The following KIF13A variants were observed in gnomAD, a reference collection of about 807,000 sequenced individuals.
KIF13A encodes kinesin family member 13A, also known as kinesin-like protein KIF13A.
In KIF13A, 79 loss-of-function variants were observed where a neutral mutation model predicts 212.2. The observed-to-expected ratio is 0.37, with a 90% CI of 0.31 to 0.45. The LOEUF is 0.45. KIF13A is among the 20% of genes least tolerant of loss of function. The pLI is 1.00. For synonymous variants in KIF13A, 789 were observed against 808.6 expected (o/e 0.98, Z 0.41); for missense variants, 1,901 against 2,209.0 (o/e 0.86, Z 2.79).
In KIF13A at chr6:17,838,968, C is replaced by T. The variant is rs1766246828; in HGVS notation, c.831-1385G>A. On this transcript the variant is annotated intron_variant, in intron 9 of 38. Transcript: ENST00000259711. This position sits in a 1 kb window ranked among gnomAD's most constrained non-coding sequence, Gnocchi z 4.2. ...CTGAGTAGCTGGGATTACAGGCGCC[C>T]GCCACCACATCTGGCTGATTTTTGT... 6.6e-6 allele frequency among the ~76,000 whole-genome samples: 1 copy of T among 152,044 alleles called. No homozygotes were observed. Among genetic ancestry groups the T allele is most frequent in the African/African-American group, 2.4e-5 (1 of 41,386 alleles).
chr6:17,873,421 T>C lies in KIF13A; in HGVS notation c.176A>G (p.Tyr59Cys), dbSNP rs1459674149. The C allele has an allele frequency of 1.9e-6, 3 of 1,589,350 alleles. No homozygotes were observed. Among genetic ancestry groups the C allele is most frequent in the Non-Finnish European group, 2.6e-6 (3 of 1,166,606 alleles). Reference protein sequence around the residue: ...RKPPKVFAFDYCFWSMDESNT... With the variant: ...RKPPKVFAFDCCFWSMDESNT... ...AGATTCATCCATGGACCAAAAGCAA[T>C]AATCAAAGGCAAATACCTGAATGAA... is the stretch of plus-strand genomic sequence containing the variant. The change falls in exon 4 of 39, where the codon TAT becomes TGT. Residue 59 changes from tyrosine to cysteine, a missense_variant. By Grantham distance (194) the Tyr-to-Cys change is radical. Around this residue, in one of 5 missense-constraint regions of KIF13A, gnomAD observed 506 missense variants for 637.4 expected, o/e 0.79. Transcript: ENST00000259711.
rs899312523 is a variant in KIF13A at position 17,837,204 on chromosome 6, G to A, written c.943-114C>T. 2.1e-6 allele frequency: 2 copies of A among 940,166 alleles called. No individual in the cohort carries two copies. Among genetic ancestry groups the A allele is most frequent in the Admixed American group, 2.3e-5 (1 of 44,434 alleles). 58.2% of individuals were successfully genotyped at this position (940,166 alleles called of 1,614,324 possible). A position where few individuals can be genotyped will look rare whatever the true frequency, so the allele number is the denominator to read the frequency against. On this transcript the variant is annotated intron_variant, in intron 10 of 38. Coordinates refer to ENST00000259711, the MANE Select transcript of KIF13A (RefSeq NM_022113.6). The surrounding 1 kb of genome is among the most constrained non-coding windows in gnomAD (Gnocchi z 5.4). ...ATTCTCTATGAAGGAAACATTATGTGGAAATGGACTTGCATTTCACAAATA... is the reference window on the plus strand; with the variant it reads ...ATTCTCTATGAAGGAAACATTATGTAGAAATGGACTTGCATTTCACAAATA...
intron 2 of KIF13A, among the ~76,000 whole-genome samples, chr6:17,943,293 A>G (rs1777104260): frequency 6.6e-6 from 1 of 152,066 alleles, no homozygotes; most frequent in Admixed American, 6.5e-5. Flanking sequence ...TTCTATTTTT[A>G]TAATCCCTCT....
rs1056788585 is a variant in KIF13A, at chr6:17,899,417, A to G, written c.147-1237T>C. On this transcript the variant is annotated intron_variant, in intron 2 of 38. Transcript: ENST00000259711. The surrounding 1 kb of genome is among the most constrained non-coding windows in gnomAD (Gnocchi z 5.2). Reference sequence around the variant, plus strand: ...AGATTTTCCAGGGCAGAGGGCACGGAAAGGTATAGGCAAAACAGCAGGATG... The same window carrying G: ...AGATTTTCCAGGGCAGAGGGCACGGGAAGGTATAGGCAAAACAGCAGGATG... 1.3e-5 allele frequency among the ~76,000 whole-genome samples: 2 copies of G among 152,332 alleles called. No individual in the cohort carries two copies. The highest frequency in any genetic ancestry group is 6.8e-3 in the Middle Eastern group (2 of 294).
In KIF13A at chr6:17,776,934, G is replaced by A. The variant is rs78549009; in HGVS notation, c.4170+343C>T. ...TCAGAGCCACCAGGGCAGCTAGAAT[G>A]GGCACAAAAACTGACCCTGGAGCAG... is the stretch of plus-strand genomic sequence containing the variant. On this transcript the variant is annotated intron_variant, in intron 34 of 38. Coordinates refer to ENST00000259711, the MANE Select transcript of KIF13A (RefSeq NM_022113.6). The surrounding 1 kb of genome is among the most constrained non-coding windows in gnomAD (Gnocchi z 4.6). 0.012 allele frequency among the ~76,000 whole-genome samples: 1,775 copies of A among 152,296 alleles called. 17 individuals carry two copies. The highest frequency in any genetic ancestry group is 0.018 in the Admixed American group (281 of 15,306).
intron 12 of KIF13A, among the ~76,000 whole-genome samples, chr6:17,833,045 C>T (rs1287373300): frequency 8.9e-6 from 1 of 111,794 alleles, no homozygotes; most frequent in Non-Finnish European, 1.7e-5. Flanking sequence ...AAAAAAAAAT[C>T]ACAAGGCAGA....
At chr6:17,946,548 CTT>C (rs1321066151) in intron 2 of KIF13A, among the ~76,000 whole-genome samples, 1 of 152,022 alleles carries the variant, frequency 6.6e-6, no homozygotes, top group African/African-American at 2.4e-5. Context: ...TTCCGTTGCA[CTT>C]TTATGCAGGA....
At chr6:17,913,533 G>A (rs1209632162) in intron 2 of KIF13A, among the ~76,000 whole-genome samples, 3 of 152,112 alleles carry the variant, frequency 2.0e-5, no homozygotes, top group African/African-American at 7.2e-5. Context: ...ATTCCAGCAG[G>A]AGACACAAGA....
intron 2 of KIF13A, among the ~76,000 whole-genome samples, chr6:17,965,912 A>G: frequency 6.6e-6 from 1 of 152,212 alleles, no homozygotes. Flanking sequence ...GTGGTGGTTC[A>G]CGCCTGTAAT....
At chr6:17,835,195 CAAAAAAAAAAA>C (rs61697144) in intron 11 of KIF13A, among the ~76,000 whole-genome samples, 1 of 45,912 alleles carries the variant, frequency 2.2e-5, no homozygotes, top group African/African-American at 7.0e-5. Flanking sequence ...CCGCCCCCGC[CAAAAAAAAAAA>C]AAAAAAAAAA....
intron 2 of KIF13A, among the ~76,000 whole-genome samples, chr6:17,908,212 T>G (rs1773702294): frequency 6.6e-6 from 1 of 152,208 alleles, no homozygotes; most frequent in Admixed American, 6.5e-5. Context: ...CACATGGGAC[T>G]TCAGTCACAG....
rs750296927 is a variant in KIF13A, at chr6:17,783,604, A to AAATT, written c.3544+41_3544+42insAATT. The AAATT allele has an allele frequency of 6.5e-6, 8 of 1,235,820 alleles. No individual in the cohort carries two copies. The South Asian group carries it at 1.0e-4, about 16-fold the overall frequency. 76.6% of individuals were successfully genotyped at this position (1,235,820 alleles called of 1,614,324 possible). A position where few individuals can be genotyped will look rare whatever the true frequency, so the allele number is the denominator to read the frequency against. On this transcript the variant is annotated intron_variant, in intron 29 of 38. Coordinates refer to ENST00000259711, the MANE Select transcript of KIF13A (RefSeq NM_022113.6). This position sits in a 1 kb window ranked among gnomAD's most constrained non-coding sequence, Gnocchi z 4.3. ...TGAATCTGGATAGATTACAAACCTT[A>AAATT]GTTAAATACAATAATCCCTGTGACT...
In KIF13A at chr6:17,919,940, T is replaced by C. The variant is rs1279901667; in HGVS notation, c.147-21760A>G. Among the ~76,000 whole-genome samples the C allele has an allele frequency of 6.6e-6, 1 of 152,192 alleles. No individual in the cohort carries two copies. Among genetic ancestry groups the C allele is most frequent in the East Asian group, 1.9e-4 (1 of 5,202 alleles). On this transcript the variant is annotated intron_variant, in intron 2 of 38. Coordinates refer to ENST00000259711, the MANE Select transcript of KIF13A (RefSeq NM_022113.6). The surrounding 1 kb of genome is among the most constrained non-coding windows in gnomAD (Gnocchi z 4.1). ...AAATTAACTTCTATTAAAATACTCA[T>C]GGAAGGGAAGACATAAGCAGCAGGT...
At chr6:17,925,282 G>A (rs1441956955) in intron 2 of KIF13A, among the ~76,000 whole-genome samples, 1 of 152,254 alleles carries the variant, frequency 6.6e-6, no homozygotes, top group Non-Finnish European at 1.5e-5. Context: ...GCAGGTGAGA[G>A]AGGAATCATT....
At chr6:17,891,389 C>G (rs912931104) in intron 3 of KIF13A, among the ~76,000 whole-genome samples, 1 of 152,146 alleles carries the variant, frequency 6.6e-6, no homozygotes, top group Non-Finnish European at 1.5e-5. Flanking sequence ...ATTACACATG[C>G]TACATAAAAA....
Position 17,776,484 on chromosome 6 carries a change from ATG to A in KIF13A, c.4170+791_4170+792del, listed in dbSNP as rs950414649. The stretch of plus-strand genomic sequence containing the variant: ...AAAGCGTTTTTCAATTTACAACTAT[ATG>A]AGTCTCTCTTATCTATTTCTAATAA... On this transcript the variant is annotated intron_variant, in intron 34 of 38. Transcript: ENST00000259711. This position sits in a 1 kb window ranked among gnomAD's most constrained non-coding sequence, Gnocchi z 4.6. 6.6e-6 allele frequency among the ~76,000 whole-genome samples: 1 copy of A among 152,040 alleles called. No homozygotes were observed. Among genetic ancestry groups the A allele is most frequent in the African/African-American group, 2.4e-5 (1 of 41,454 alleles).
At chr6:17,985,632 C>CCGGGGGGGGGGG (rs112580662) in intron 2 of KIF13A, among the ~76,000 whole-genome samples, 5 of 38,184 alleles carry the variant, frequency 1.3e-4, no homozygotes, top group Admixed American at 6.5e-4. Context: ...ATGCAGTTTG[C>CCGGGGGGGGGGG]GGGGGGGTGG....
chr6:17,891,388 G>T (rs1345632426), intron 3 of KIF13A, among the ~76,000 whole-genome samples: 1 of 152,156 alleles, frequency 6.6e-6, no homozygotes, highest in East Asian at 1.9e-4. Flanking sequence ...CATTACACAT[G>T]CTACATAAAA....
At chr6:17,983,152 G>C (rs541289838) in intron 2 of KIF13A, among the ~76,000 whole-genome samples, 116 of 133,936 alleles carry the variant, frequency 8.7e-4, no homozygotes, top group African/African-American at 3.0e-3. Context: ...CAGCCCAGGT[G>C]ACAGTGCGAG....
Sources: gnomAD v4.1 joint callset for allele counts (sites outside exome capture counted in the v4.1 genomes callset) on GRCh38, gnomAD v4.1.1 for gene constraint, gnomAD v4.1.1 regional missense constraint, Gnocchi (gnomAD v3.1) non-coding constraint, MANE v1.5 for transcripts, NCBI Gene and HGNC (gene_info 2026-07-23, HGNC 2026-07-21) for gene names.